CCDC170: variants seen among roughly 807,000 people sequenced by gnomAD.
CCDC170 encodes the protein coiled-coil domain containing 170, also known as coiled-coil domain-containing protein 170.
A neutral mutation model predicts 72.6 loss-of-function variants in CCDC170; 69 were observed. That is an observed-to-expected ratio of 0.95 (90% confidence interval 0.78 to 1.16). The LOEUF is 1.16. CCDC170 is among the 50% of genes most tolerant of loss of function. The probability of loss-of-function intolerance (pLI) is 0.00; values close to 1 mark genes in which losing one functional copy is unlikely to be tolerated. For missense variants in CCDC170, 852 were observed against 832.5 expected, an observed-to-expected ratio of 1.02 and a Z score of -0.29; for synonymous variants, 300 against 303.9, an observed-to-expected ratio of 0.99 and a Z score of 0.13.
chr6:151,517,928 T>C (rs1782261234), intron 1 of CCDC170, among the ~76,000 whole-genome samples: 1 of 152,142 alleles, frequency 6.6e-6, no homozygotes, highest in African/African-American at 2.4e-5. Flanking sequence ...TTCTTTTTTT[T>C]TTTTCATTCT....
At position 151,598,982 on chromosome 6, in the gene CCDC170, T is replaced by A. The variant is rs1370318360; in HGVS notation, c.1710+2405T>A. Reference sequence around the variant, plus strand: ...CTTATAAGGATACAGGAGTACTACTTTGTTAGAGAGAATAAAGGGCCTTTG... The same window carrying A: ...CTTATAAGGATACAGGAGTACTACTATGTTAGAGAGAATAAAGGGCCTTTG... On this transcript the variant is annotated intron_variant, in intron 9 of 10. Coordinates refer to ENST00000239374, the MANE Select transcript of CCDC170 (RefSeq NM_025059.4). Among the ~76,000 whole-genome samples the A allele has an allele frequency of 3.9e-5, 6 of 152,204 alleles. No individual in the cohort carries two copies. In the East Asian group the frequency reaches 9.7e-4, roughly 25 times the overall value.
At chr6:151,592,531 G>A (rs746026757) in intron 7 of CCDC170, among the ~76,000 whole-genome samples, 20 of 152,266 alleles carry the variant, frequency 1.3e-4, no homozygotes, top group African/African-American at 3.4e-4. Context: ...GAGAGAGAAC[G>A]AGAGCCAAGC....
Position 151,620,069 on chromosome 6 carries a change from A to G in CCDC170, c.*1922A>G, listed in dbSNP as rs1021612796. 18 of 151,990 alleles carry G rather than the reference A, an allele frequency of 1.2e-4. No individual in the cohort carries two copies. Among genetic ancestry groups the G allele is most frequent in the African/African-American group, 4.3e-4 (18 of 41,394 alleles). 9.4% of individuals were successfully genotyped at this position (151,990 alleles called of 1,614,324 possible). On this transcript the variant is annotated 3_prime_UTR_variant, in exon 11 of 11. Coordinates refer to ENST00000239374, the MANE Select transcript of CCDC170 (RefSeq NM_025059.4). ...GCTTGACAAATGCACTGATTGTTATACTTTAAATAACTAAAAATCTGAGAA... is the reference window on the plus strand; with the variant it reads ...GCTTGACAAATGCACTGATTGTTATGCTTTAAATAACTAAAAATCTGAGAA...
chr6:151,544,851 T>A, intron 4 of CCDC170, 135 bp downstream of exon 4: 1 of 773,902 alleles, frequency 1.3e-6, no homozygotes, highest in Non-Finnish European at 2.0e-6. Flanking sequence ...TAATTAACTG[T>A]ATGACTTGGG....
chr6:151,503,181 A>AAAAAGTT (rs1485852428), intron 1 of CCDC170, among the ~76,000 whole-genome samples: 1 of 152,188 alleles, frequency 6.6e-6, no homozygotes, highest in Non-Finnish European at 1.5e-5. Flanking sequence ...ATTTAAAAAA[A>AAAAAGTT]AAAAGTTATA....
chr6:151,516,066 GAAA>G (rs1325647534), intron 1 of CCDC170, among the ~76,000 whole-genome samples: 2 of 120,478 alleles, frequency 1.7e-5, no homozygotes, highest in Non-Finnish European at 1.8e-5. Flanking sequence ...TTCTGTCTCA[GAAA>G]AAAAAAAAAA....
intron 5 of CCDC170, among the ~76,000 whole-genome samples, chr6:151,572,774 C>T (rs1452361116): frequency 3.3e-5 from 5 of 151,338 alleles, no homozygotes; most frequent in East Asian, 2.0e-4. Flanking sequence ...CTCAGGCTCC[C>T]GAGTAGCTGG....
chr6:151,514,589 A>T (rs933448666), intron 1 of CCDC170, among the ~76,000 whole-genome samples: 17 of 152,118 alleles, frequency 1.1e-4, no homozygotes, highest in Non-Finnish European at 1.5e-5. Context: ...ATGTGACTGG[A>T]GGTCAGGCTA....
rs752918292 is a variant in CCDC170 at position 151,538,156 on chromosome 6, T to A, written c.298T>A (p.Ser100Thr). Reference sequence around the variant, plus strand: ...TGCCAGAAAATCATCTCTCCTTACCTCTTTGAGAGACAGAGTTCAGGAACT... The same window carrying A: ...TGCCAGAAAATCATCTCTCCTTACCACTTTGAGAGACAGAGTTCAGGAACT... ...NNARKSSLLT[S>T]LRDRVQELEE... Residue 100 changes from serine to threonine, a missense_variant, in exon 3 of 11, where the codon TCT becomes ACT. Ser to Thr is a moderately conservative substitution (Grantham distance 58). Transcript: ENST00000239374. 6.2e-7 allele frequency: 1 copy of A among 1,613,964 alleles called. No individual in the cohort carries two copies. The highest frequency in any genetic ancestry group is 8.5e-7 in the Non-Finnish European group (1 of 1,179,928).
At chr6:151,523,882 G>A (rs1355032942) in intron 1 of CCDC170, among the ~76,000 whole-genome samples, 3 of 152,112 alleles carry the variant, frequency 2.0e-5, no homozygotes, top group African/African-American at 7.2e-5. Context: ...ACAATGTATT[G>A]GTCTCTTTGT....
Position 151,573,446 on chromosome 6 carries a change from G to A in CCDC170, c.1047G>A (p.Leu349=). ...CTGGGTCCACTGAGGACACCATTTT[G>A]GAGAAGATTCGAGAAATGGACAGCC... is the stretch of plus-strand genomic sequence containing the variant. ...SMTGSTEDTI[L]EKIREMDSRE... is the part of the protein sequence containing the mutation. The change falls in exon 6 of 11, where the codon TTG becomes TTA. Residue 349 remains leucine (L), a synonymous_variant. Coordinates refer to ENST00000239374, the MANE Select transcript of CCDC170 (RefSeq NM_025059.4). The A allele has an allele frequency of 6.2e-7, 1 of 1,614,102 alleles. No individual in the cohort carries two copies. Among genetic ancestry groups the A allele is most frequent in the Admixed American group, 1.7e-5 (1 of 60,024 alleles).
In CCDC170 at chr6:151,494,158, G is replaced by T; in HGVS notation, c.30G>T (p.Ala10=). Residue 10 remains alanine (A), a synonymous_variant, in exon 1 of 11, where the codon GCG becomes GCT. Transcript: ENST00000239374. The part of the protein sequence containing the change: MSLDCTSHI[A]LGAASPAPEE... ...GCCTGGACTGCACCAGCCATATCGC[G>T]CTGGGTGCCGCTTCGCCAGCGCCCG... 3 of 1,523,252 alleles carry T rather than the reference G, an allele frequency of 2.0e-6. No homozygotes were observed. The highest frequency in any genetic ancestry group is 2.6e-6 in the Non-Finnish European group (3 of 1,140,128). 94.4% of individuals were successfully genotyped at this position (1,523,252 alleles called of 1,614,324 possible). A position where few individuals can be genotyped will look rare whatever the true frequency, so the allele number is the denominator to read the frequency against.
intron 1 of CCDC170, among the ~76,000 whole-genome samples, chr6:151,523,537 T>G (rs753411571): frequency 6.6e-6 from 1 of 151,578 alleles, no homozygotes; most frequent in Non-Finnish European, 1.5e-5. Flanking sequence ...AATACAAAAA[T>G]TAGCCAGGCG....
At chr6:151,587,607 T>C (rs1234596393) in intron 7 of CCDC170, among the ~76,000 whole-genome samples, 3 of 152,136 alleles carry the variant, frequency 2.0e-5, no homozygotes, top group African/African-American at 4.8e-5. Context: ...CTTAAAACAT[T>C]GAGGAATCAT....
rs750144701 is a variant in CCDC170, at chr6:151,618,442, T to C, written c.*295T>C. On this transcript the variant is annotated 3_prime_UTR_variant, in exon 11 of 11. Coordinates refer to ENST00000239374, the MANE Select transcript of CCDC170 (RefSeq NM_025059.4). ...GGAGATAATATTGGGAGGTATCTAT[T>C]TTAAGTCAGGGGCTTTACTAGCCGA... 4.7e-5 allele frequency: 17 copies of C among 364,416 alleles called. No individual in the cohort carries two copies. Among genetic ancestry groups the C allele is most frequent in the Non-Finnish European group, 8.5e-5 (17 of 199,458 alleles). 22.6% of individuals were successfully genotyped at this position (364,416 alleles called of 1,614,324 possible). A position where few individuals can be genotyped will look rare whatever the true frequency, so the allele number is the denominator to read the frequency against.
At chr6:151,614,425 TGTTGTA>T (rs763990728) in intron 9 of CCDC170, among the ~76,000 whole-genome samples, 54 of 152,244 alleles carry the variant, frequency 3.5e-4, no homozygotes, top group Non-Finnish European at 2.1e-4. Context: ...GGCTCATCCA[TGTTGTA>T]GTTGTAGTAT....
chr6:151,552,985 C>A (rs551919400), intron 5 of CCDC170, among the ~76,000 whole-genome samples: 1 of 151,846 alleles, frequency 6.6e-6, no homozygotes, highest in Non-Finnish European at 1.5e-5. Context: ...AGAGGTTTCA[C>A]CATGTTGGCC....
At chr6:151,568,182 T>C (rs185286120) in intron 5 of CCDC170, among the ~76,000 whole-genome samples, 251 of 146,364 alleles carry the variant, frequency 1.7e-3, no homozygotes, top group Non-Finnish European at 2.5e-3. Flanking sequence ...GCTATAGAAA[T>C]TGCTAATATC....
chr6:151,571,669 G>A (rs1776220894), intron 5 of CCDC170, among the ~76,000 whole-genome samples: 2 of 152,202 alleles, frequency 1.3e-5, no homozygotes, highest in South Asian at 4.1e-4. Flanking sequence ...GGAGGTCATG[G>A]TGAGCTGAGA....
Sources: gnomAD v4.1 joint callset for allele counts (sites outside exome capture counted in the v4.1 genomes callset) on GRCh38, gnomAD v4.1.1 for gene constraint, MANE v1.5 for transcripts, NCBI Gene and HGNC (gene_info 2026-07-23, HGNC 2026-07-21) for gene names.